CCDC7: variants seen among roughly 807,000 people sequenced by gnomAD.
The protein encoded by CCDC7 is coiled-coil domain containing 7.
Under a neutral mutation model 196.9 loss-of-function variants are expected in CCDC7, and 183 were observed. The observed-to-expected ratio is 0.93, with a 90% confidence interval of 0.82 to 1.05. The LOEUF is 1.05. Among genes scored for constraint, CCDC7 ranks in the 50% least tolerant of loss-of-function variants. The pLI is 0.00. For synonymous variants in CCDC7, 525 were observed against 484.6 expected (o/e 1.08, Z -1.10); for missense variants, 1,540 against 1,482.2 (o/e 1.04, Z -0.64).
At chr10:32,494,141 G>A (rs1377339924) in intron 9 of CCDC7, among the ~76,000 whole-genome samples, 1 of 152,052 alleles carries the variant, frequency 6.6e-6, no homozygotes, top group Non-Finnish European at 1.5e-5. Context: ...TTTTCACCCT[G>A]TTTTCTTCAA....
chr10:32,576,775 T>C (rs2137261252), intron 16 of CCDC7, among the ~76,000 whole-genome samples: 2 of 152,164 alleles, frequency 1.3e-5, no homozygotes, highest in Non-Finnish European at 2.9e-5. Context: ...GGTCTAGAAC[T>C]CCTGGACTCA....
At chr10:32,666,192 T>G (rs2072667401) in intron 21 of CCDC7, among the ~76,000 whole-genome samples, 1 of 150,342 alleles carries the variant, frequency 6.7e-6, no homozygotes, top group Non-Finnish European at 1.5e-5. Flanking sequence ...TCCTTTGGAA[T>G]AAGCAATGTT....
intron 32 of CCDC7, among the ~76,000 whole-genome samples, chr10:32,831,235 G>C (rs1293575961): frequency 1.3e-5 from 2 of 152,078 alleles, no homozygotes; most frequent in East Asian, 3.9e-4. Flanking sequence ...CCAGATAAAA[G>C]ATAAAAAGTG....
At chr10:32,831,565 T>C (rs1300688175) in intron 32 of CCDC7, among the ~76,000 whole-genome samples, 3 of 152,220 alleles carry the variant, frequency 2.0e-5, no homozygotes, top group Admixed American at 2.0e-4. Context: ...TTCTATATCC[T>C]TATTCAATAA....
At chr10:32,761,214 C>T (rs1238345961) in intron 28 of CCDC7, among the ~76,000 whole-genome samples, 3 of 151,996 alleles carry the variant, frequency 2.0e-5, no homozygotes, top group Non-Finnish European at 4.4e-5. Flanking sequence ...GTGTCTCTCT[C>T]ACTGGGGCAC....
intron 13 of CCDC7, among the ~76,000 whole-genome samples, chr10:32,561,431 A>G (rs1214888749): frequency 2.0e-5 from 3 of 152,248 alleles, no homozygotes; most frequent in Admixed American, 1.3e-4. Flanking sequence ...GTAAAAGAAC[A>G]GAAATTATAA....
At chr10:32,745,936 C>A (rs2074644559) in intron 28 of CCDC7, among the ~76,000 whole-genome samples, 1 of 152,118 alleles carries the variant, frequency 6.6e-6, no homozygotes, top group South Asian at 2.1e-4. Context: ...ATTTTGTCAG[C>A]TTTATACCTA....
At chr10:32,483,438 T>C (rs1411618486) in intron 8 of CCDC7, among the ~76,000 whole-genome samples, 1 of 152,232 alleles carries the variant, frequency 6.6e-6, no homozygotes, top group Non-Finnish European at 1.5e-5. Flanking sequence ...TCTCCCATTC[T>C]GTAGGTTGCC....
At position 32,845,405 on chromosome 10, in the gene CCDC7, T is replaced by TA. The variant is rs2136168742; in HGVS notation, c.3436+81dup. ...AGTTAAATTAAGTATAGACCTTTAA[T>TA]AACAAAACTACCTATATTATAGTGT... On this transcript the variant is annotated intron_variant, in intron 34 of 41. Transcript: ENST00000639629. 6 of 1,228,080 alleles carry TA rather than the reference T, an allele frequency of 4.9e-6. No homozygotes were observed. In the South Asian group the frequency reaches 8.2e-5, roughly 17 times the overall value. The allele number at this position is 1,228,080 out of a possible 1,614,324, so 76.1% of individuals were successfully genotyped here. A position where few individuals can be genotyped will look rare whatever the true frequency, so the allele number is the denominator to read the frequency against.
At chr10:32,494,941 C>T (rs952480787) in intron 9 of CCDC7, among the ~76,000 whole-genome samples, 1 of 152,174 alleles carries the variant, frequency 6.6e-6, no homozygotes, top group South Asian at 2.1e-4. Flanking sequence ...AATGGTATTT[C>T]TAGTTCTAGA....
chr10:32,728,208 A>G (rs920387879), intron 26 of CCDC7, among the ~76,000 whole-genome samples: 1 of 152,176 alleles, frequency 6.6e-6, no homozygotes, highest in Non-Finnish European at 1.5e-5. Flanking sequence ...AGAAGAGTAC[A>G]TAATGTTCTA....
In CCDC7 at chr10:32,584,225, T is replaced by C. The variant is rs372428368; in HGVS notation, c.1729-7T>C. On this transcript the variant is annotated splice_polypyrimidine_tract_variant and splice_region_variant and intron_variant, in intron 17 of 41. Transcript: ENST00000639629. ...TCTAATTACTTATTACAACTTTTGT[T>C]ATTAAGGCTGATGTTTCAGAAGAAC... The C allele has an allele frequency of 6.5e-7, 1 of 1,546,324 alleles. No homozygotes were observed. Among genetic ancestry groups the C allele is most frequent in the Non-Finnish European group, 8.8e-7 (1 of 1,138,248 alleles).
intron 20 of CCDC7, among the ~76,000 whole-genome samples, chr10:32,659,762 G>A (rs747749199): frequency 4.6e-5 from 7 of 152,098 alleles, no homozygotes; most frequent in Non-Finnish European, 1.0e-4. Flanking sequence ...AAATGCAAAT[G>A]AAAACCATGA....
At chr10:32,636,661 C>G (rs1156273923) in intron 20 of CCDC7, among the ~76,000 whole-genome samples, 1 of 152,168 alleles carries the variant, frequency 6.6e-6, no homozygotes, top group Non-Finnish European at 1.5e-5. Context: ...CAAGTCTTTG[C>G]TATTGTGAAT....
intron 14 of CCDC7, among the ~76,000 whole-genome samples, chr10:32,566,478 A>G (rs2056809478): frequency 6.6e-6 from 1 of 152,210 alleles, no homozygotes; most frequent in South Asian, 2.1e-4. Flanking sequence ...AGACAATTAT[A>G]GTATATTATT....
chr10:32,882,511 A>AGATC (rs1247184572), intron 22 of CCDC7, among the ~76,000 whole-genome samples, 182 bp from the exon 44 acceptor site: 1 of 152,228 alleles, frequency 6.6e-6, no homozygotes, highest in African/African-American at 2.4e-5. Context: ...TAGGATTGAA[A>AGATC]GATCATTGAT....
intron 21 of CCDC7, among the ~76,000 whole-genome samples, chr10:32,665,447 A>G (rs1478800170): frequency 6.6e-6 from 1 of 152,070 alleles, no homozygotes; most frequent in Non-Finnish European, 1.5e-5. Context: ...CAGATCCTAA[A>G]TTTATGTGTC....
chr10:32,662,016 A>C (rs1394062593), intron 20 of CCDC7, among the ~76,000 whole-genome samples: 1 of 152,082 alleles, frequency 6.6e-6, no homozygotes, highest in Non-Finnish European at 1.5e-5. Context: ...CCATGGTGGT[A>C]AGGCTTGCCA....
intron 21 of CCDC7, among the ~76,000 whole-genome samples, chr10:32,672,975 T>G (rs754202744): frequency 6.6e-6 from 1 of 152,154 alleles, no homozygotes; most frequent in Non-Finnish European, 1.5e-5. Flanking sequence ...GGTTGATTTT[T>G]TTGTGTATAG....
Sources: allele counts gnomAD v4.1 joint callset (sites outside exome capture counted in the v4.1 genomes callset), GRCh38; gene constraint gnomAD v4.1.1; transcripts MANE v1.5; gene names NCBI Gene and HGNC (gene_info 2026-07-23, HGNC 2026-07-21).